Variants in PFKFB3 observed in about 807,000 individuals in gnomAD.
PFKFB3 encodes 6-phosphofructo-2-kinase/fructose-2,6-bisphosphatase 3.
A neutral mutation model predicts 68.0 loss-of-function variants in PFKFB3; 33 were observed. That is an observed-to-expected ratio of 0.49 (90% CI 0.37 to 0.65). The LOEUF (loss-of-function observed/expected upper bound fraction) is 0.65. PFKFB3 is among the 30% of genes least tolerant of loss of function. The probability of loss-of-function intolerance (pLI) is 0.00; values close to 1 mark genes in which losing one functional copy is unlikely to be tolerated. For missense variants in PFKFB3, 586 were observed against 712.2 expected (o/e 0.82, Z 2.02); for synonymous variants, 315 against 288.2 (o/e 1.09, Z -0.94).
At chr10:6,224,435 AT>A in intron 13 of PFKFB3, 1 of 632,522 alleles carries the variant, frequency 1.6e-6, no homozygotes, top group Non-Finnish European at 2.8e-6. Context: ...TCTTCCTCCC[AT>A]TTCTGCTGAG....
upstream of PFKFB3, among the ~76,000 whole-genome samples, chr10:6,202,250 C>T (rs1843389468): frequency 6.6e-6 from 1 of 152,224 alleles, no homozygotes; most frequent in African/African-American, 2.4e-5. Context: ...TCTCAAGGTT[C>T]CCAGTCTTTG....
intron 1 of PFKFB3, among the ~76,000 whole-genome samples, chr10:6,209,201 A>G (rs372318034): frequency 5.1e-4 from 78 of 152,302 alleles, no homozygotes; most frequent in African/African-American, 1.8e-3. Flanking sequence ...AACCATGACA[A>G]CACTTTGAGC....
At chr10:6,231,366 G>A in intron 14 of PFKFB3, 3 of 1,610,466 alleles carry the variant, frequency 1.9e-6, no homozygotes, top group Non-Finnish European at 2.5e-6. Context: ...ACGGCATCTG[G>A]GTCTGTGTGC....
intron 1 of PFKFB3, among the ~76,000 whole-genome samples, chr10:6,150,675 G>A (rs1273524553): frequency 1.3e-5 from 2 of 151,956 alleles, no homozygotes; most frequent in African/African-American, 2.4e-5. Context: ...GAAAGATGAT[G>A]GCATTTCCCC....
chr10:6,296,945 C>T, the PFKFB3 span, among the ~76,000 whole-genome samples: 1 of 152,164 alleles, frequency 6.6e-6, no homozygotes, highest in African/African-American at 2.4e-5. Context: ...AGCCCCTATT[C>T]AAGATGGAAT....
At chr10:6,262,691 A>G in the PFKFB3 span, among the ~76,000 whole-genome samples, 5 of 152,188 alleles carry the variant, frequency 3.3e-5, no homozygotes, top group Admixed American at 3.3e-4. Context: ...ATGGTCACAT[A>G]GGTTTCAGAG....
chr10:6,283,360 A>G, the PFKFB3 span, among the ~76,000 whole-genome samples: 1 of 152,196 alleles, frequency 6.6e-6, no homozygotes, highest in Non-Finnish European at 1.5e-5. Context: ...TCAAAGCAGA[A>G]GTAAGTTTCT....
intron 11 of PFKFB3, among the ~76,000 whole-genome samples, chr10:6,223,495 T>G (rs948777388): frequency 2.6e-5 from 4 of 152,192 alleles, no homozygotes; most frequent in African/African-American, 7.2e-5. Flanking sequence ...GGCTAAAGTC[T>G]TCTTCTGGGG....
At chr10:6,226,531 GCA>G in intron 14 of PFKFB3, 166 bp downstream of exon 14, 4 of 619,700 alleles carry the variant, frequency 6.5e-6, no homozygotes, top group Non-Finnish European at 8.2e-6. Context: ...GGGGGCATGT[GCA>G]CACACTCACG....
chr10:6,284,147 T>G, the PFKFB3 span, among the ~76,000 whole-genome samples: 1 of 152,216 alleles, frequency 6.6e-6, no homozygotes, highest in Middle Eastern at 3.2e-3. Flanking sequence ...TTGAGAAGAT[T>G]GTGTATTTTG....
At chr10:6,246,402 G>A (rs1262400494) in intron 14 of PFKFB3, among the ~76,000 whole-genome samples, 1 of 150,800 alleles carries the variant, frequency 6.6e-6, no homozygotes, top group Admixed American at 6.6e-5. Flanking sequence ...GCAGTGGCAC[G>A]ATCTCGGCTC....
chr10:6,228,242 T>A lies in PFKFB3; in HGVS notation c.1515+1877T>A. 6.2e-7 allele frequency: 1 copy of A among 1,612,390 alleles called. No individual in the cohort carries two copies. Among genetic ancestry groups the A allele is most frequent in the Non-Finnish European group, 8.5e-7 (1 of 1,179,504 alleles). On this transcript the variant is annotated intron_variant, in intron 14 of 14. Coordinates refer to ENST00000379775, the MANE Select transcript of PFKFB3 (RefSeq NM_004566.4). The surrounding 1 kb of genome is among the most constrained non-coding windows in gnomAD (Gnocchi z 4.5). ...CTGTAAGTATCTCTCCGATCATCGC[T>A]GCTGCTTGCACTGCTTTCTTCCTGC...
the PFKFB3 span, among the ~76,000 whole-genome samples, chr10:6,267,555 T>C: frequency 1.3e-5 from 2 of 152,210 alleles, no homozygotes; most frequent in African/African-American, 4.8e-5. Context: ...GCGTTCTTAC[T>C]TACTCACTTG....
At chr10:6,295,564 C>T in the PFKFB3 span, among the ~76,000 whole-genome samples, 1 of 151,466 alleles carries the variant, frequency 6.6e-6, no homozygotes, top group Non-Finnish European at 1.5e-5. Context: ...CGTTATTATA[C>T]AGGCGCCATC....
intron 1 of PFKFB3, among the ~76,000 whole-genome samples, chr10:6,156,122 CATAT>C (rs555157441): frequency 0.015 from 1,478 of 100,122 alleles, 60 homozygotes; most frequent in East Asian, 0.12. Context: ...TATATATGTA[CATAT>C]ATATGTGTGT....
At chr10:6,197,662 A>G (rs1251496413) in intron 1 of PFKFB3, 2 of 152,114 alleles carry the variant, frequency 1.3e-5, no homozygotes, top group Non-Finnish European at 2.9e-5. Context: ...CATATTCATT[A>G]TTCCTTAAGT....
chr10:6,248,839 A>G (rs1474595490), intron 14 of PFKFB3, among the ~76,000 whole-genome samples: 1 of 152,186 alleles, frequency 6.6e-6, no homozygotes, highest in Non-Finnish European at 1.5e-5. Context: ...CTATTGTCAA[A>G]AAGACAAATG....
intron 1 of PFKFB3, chr10:6,146,228 C>A: frequency 2.8e-6 from 4 of 1,440,204 alleles, no homozygotes; most frequent in Non-Finnish European, 3.6e-6. Flanking sequence ...TCTCTTCTCT[C>A]ATAACTCAGA....
chr10:6,160,204 A>G (rs928301566), intron 1 of PFKFB3, among the ~76,000 whole-genome samples: 1 of 152,158 alleles, frequency 6.6e-6, no homozygotes, highest in Non-Finnish European at 1.5e-5. Context: ...AGGATGGGGG[A>G]ATATACAAAT....
Sources: allele counts gnomAD v4.1 joint callset (sites outside exome capture counted in the v4.1 genomes callset), GRCh38; gene constraint gnomAD v4.1.1; non-coding constraint Gnocchi (gnomAD v3.1); transcripts MANE v1.5; gene names NCBI Gene and HGNC (gene_info 2026-07-23, HGNC 2026-07-21).